Variants in FABP6 observed in about 807,000 individuals in gnomAD.
FABP6 encodes fatty acid binding protein 6, also known as gastrotropin.
A neutral mutation model predicts 14.9 loss-of-function variants in FABP6; 13 were observed. The ratio of observed to expected loss-of-function variants is 0.87; its 90% CI spans 0.57 to 1.39. FABP6 has a LOEUF of 1.39. Among genes scored for constraint, FABP6 ranks in the 40% most tolerant of loss-of-function variants. The pLI, the probability that FABP6 is intolerant of heterozygous loss-of-function variation, is 0.00. For missense variants in FABP6, 161 were observed against 167.2 expected (o/e 0.96, Z 0.20); for synonymous variants, 75 against 63.6 (o/e 1.18, Z -0.85).
At chr5:160,224,999 C>T (rs992156947), upstream of FABP6, among the ~76,000 whole-genome samples, 2 of 151,788 alleles carry the variant, frequency 1.3e-5, no homozygotes, top group African/African-American at 4.8e-5. Flanking sequence ...AGGCTGGTCT[C>T]GAACTCCTGG....
intron 2 of FABP6, among the ~76,000 whole-genome samples, chr5:160,203,104 G>C (rs535235006): frequency 6.6e-6 from 1 of 152,142 alleles, no homozygotes; most frequent in East Asian, 1.9e-4. Flanking sequence ...GTTTCACTGT[G>C]GTGGCCAGGC....
chr5:160,190,432 A>C (rs1237691378), intron 1 of FABP6, among the ~76,000 whole-genome samples: 1 of 152,108 alleles, frequency 6.6e-6, no homozygotes, highest in Non-Finnish European at 1.5e-5. Context: ...AGGTTTCTCC[A>C]TGTTGGTCAG....
intron 1 of FABP6, among the ~76,000 whole-genome samples, chr5:160,193,834 C>G (rs1446341843): frequency 1.3e-5 from 2 of 152,262 alleles, no homozygotes; most frequent in Non-Finnish European, 2.9e-5. Flanking sequence ...CTGGCTTCAC[C>G]CAGTGGATCC....
chr5:160,234,706 C>A (rs972348196), intron 2 of FABP6, 114 bp from the exon 3 acceptor site: 1 of 656,570 alleles, frequency 1.5e-6, no homozygotes, highest in East Asian at 3.4e-5. Context: ...GGATTATAGG[C>A]ATAAGCCACC....
At chr5:160,213,315 G>A (rs1243397179) in intron 2 of FABP6, among the ~76,000 whole-genome samples, 2 of 152,250 alleles carry the variant, frequency 1.3e-5, no homozygotes, top group East Asian at 3.9e-4. Flanking sequence ...CTCAGCCTCT[G>A]CAGCTCATGA....
chr5:160,212,271 C>T (rs1263966245), intron 2 of FABP6, among the ~76,000 whole-genome samples: 1 of 152,154 alleles, frequency 6.6e-6, no homozygotes, highest in Non-Finnish European at 1.5e-5. Flanking sequence ...TCTCCTGCCT[C>T]AGCCTCCCAA....
intron 2 of FABP6, among the ~76,000 whole-genome samples, chr5:160,200,416 A>ATTTT (rs3044576): frequency 9.7e-5 from 14 of 143,758 alleles, no homozygotes; most frequent in African/African-American, 2.6e-4. Flanking sequence ...TTTTTTTTCT[A>ATTTT]TTTTTTTTTT....
Position 160,219,307 on chromosome 5 carries a change from A to G in FABP6, c.135+5488A>G, listed in dbSNP as rs548912905. ...GAGAATAATGGTAGCTGGCTGAGGC[A>G]GGGGCCAGAGTTCAGGTGGAAAGCT... is the stretch of plus-strand genomic sequence containing the variant. On this transcript the variant is annotated intron_variant, in intron 3 of 6. Coordinates refer to the FABP6 transcript ENST00000393980. Among the ~76,000 whole-genome samples the G allele has an allele frequency of 9.8e-5, 15 of 152,310 alleles. No homozygotes were observed. In the South Asian group the frequency reaches 3.1e-3, roughly 32 times the overall value.
chr5:160,232,297 C>G, intron 2 of FABP6, 24 bp downstream of exon 2: 4 of 1,568,878 alleles, frequency 2.5e-6, no homozygotes, highest in Non-Finnish European at 3.5e-6. Flanking sequence ...GGCTGTCCCC[C>G]TCCTTCCCCA....
chr5:160,209,904 C>A (rs529681178), intron 2 of FABP6, among the ~76,000 whole-genome samples: 2 of 152,106 alleles, frequency 1.3e-5, no homozygotes, highest in Non-Finnish European at 2.9e-5. Context: ...CAACAGAAAG[C>A]AACCTAAGAC....
intron 2 of FABP6, among the ~76,000 whole-genome samples, chr5:160,199,891 G>T (rs1759600108): frequency 6.6e-6 from 1 of 152,210 alleles, no homozygotes; most frequent in South Asian, 2.1e-4. Context: ...AAGAAGTGGG[G>T]CAGGACATGG....
At chr5:160,212,785 A>T (rs1423301264) in intron 2 of FABP6, among the ~76,000 whole-genome samples, 1 of 152,030 alleles carries the variant, frequency 6.6e-6, no homozygotes, top group Non-Finnish European at 1.5e-5. Flanking sequence ...GGCTAATTTT[A>T]AAAATATTTT....
intron 2 of FABP6, among the ~76,000 whole-genome samples, chr5:160,207,576 A>G (rs1759793902): frequency 6.6e-6 from 1 of 152,216 alleles, no homozygotes; most frequent in African/African-American, 2.4e-5. Flanking sequence ...GTATTTCCAA[A>G]ACAGTACATA....
At chr5:160,213,914 G>A in intron 3 of FABP6, 3 of 1,004,724 alleles carry the variant, frequency 3.0e-6, no homozygotes, top group Non-Finnish European at 4.7e-6. Flanking sequence ...CTATCCCTGG[G>A]CTCCTTGAGA....
chr5:160,227,802 C>T (rs1046172550), upstream of FABP6, among the ~76,000 whole-genome samples: 10 of 140,774 alleles, frequency 7.1e-5, no homozygotes, highest in African/African-American at 2.7e-4. Context: ...ATATATATAA[C>T]TTAAAAAAAT....
chr5:160,212,887 G>C (rs1759921856), intron 2 of FABP6, among the ~76,000 whole-genome samples: 1 of 152,224 alleles, frequency 6.6e-6, no homozygotes, highest in Admixed American at 6.5e-5. Flanking sequence ...AAAGTGCTAG[G>C]ATTACAGGTG....
chr5:160,222,095 CTTT>C (rs202190021), intron 3 of FABP6, among the ~76,000 whole-genome samples: 2 of 130,330 alleles, frequency 1.5e-5, no homozygotes, highest in Non-Finnish European at 3.2e-5. Context: ...TTTTTCTTTT[CTTT>C]TTTTTTTTTT....
intron 1 of FABP6, among the ~76,000 whole-genome samples, chr5:160,187,961 A>T (rs1355455638): frequency 6.6e-6 from 1 of 152,118 alleles, no homozygotes; most frequent in Non-Finnish European, 1.5e-5. Flanking sequence ...CATGTTGGTC[A>T]GGCTGGTCTA....
intron 2 of FABP6, among the ~76,000 whole-genome samples, chr5:160,212,707 G>A (rs929770310): frequency 3.9e-5 from 6 of 152,132 alleles, no homozygotes; most frequent in South Asian, 2.1e-4. Context: ...CTGACCTTGT[G>A]AGCCGCCTGC....
Sources: allele counts gnomAD v4.1 joint callset (sites outside exome capture counted in the v4.1 genomes callset), GRCh38; gene constraint gnomAD v4.1.1; transcripts MANE v1.5; gene names NCBI Gene and HGNC (gene_info 2026-07-23, HGNC 2026-07-21).